COP1: variants seen among roughly 807,000 people sequenced by gnomAD.
COP1 encodes COP1 E3 ubiquitin ligase.
In COP1, 24 loss-of-function variants were observed where a neutral mutation model predicts 101.3. That is an observed-to-expected ratio of 0.24 (90% CI 0.17 to 0.33). The LOEUF is 0.33. Among genes scored for constraint, COP1 ranks in the 10% least tolerant of loss-of-function variants. The pLI, the probability that COP1 is intolerant of heterozygous loss-of-function variation, is 1.00. For synonymous variants in COP1, 347 were observed against 341.9 expected, an observed-to-expected ratio of 1.01 and a Z score of -0.17; for missense variants, 663 against 906.2, an observed-to-expected ratio of 0.73 and a Z score of 3.45.
At position 175,996,096 on chromosome 1, in the gene COP1, G is replaced by C. The variant is rs1011282827; in HGVS notation, c.1730-6617C>G. Among the ~76,000 whole-genome samples, 501 of 151,618 alleles carry C rather than the reference G, an allele frequency of 3.3e-3. 5 individuals are homozygous for C. The highest frequency in any genetic ancestry group is 0.011 in the African/African-American group (435 of 41,370). ...TGGGATGCAAGGCTGGTTCAAAACA[G>C]GCAAATCAATAAATGTAATCCAGCA... On this transcript the variant is annotated intron_variant, in intron 15 of 19. Coordinates refer to ENST00000367669, the MANE Select transcript of COP1 (RefSeq NM_022457.7).
chr1:176,109,291 A>T (rs1024817037), intron 9 of COP1, among the ~76,000 whole-genome samples: 23 of 152,088 alleles, frequency 1.5e-4, no homozygotes, highest in African/African-American at 5.3e-4. Flanking sequence ...TGTTTAAATT[A>T]TTGTTTAGCT....
intron 9 of COP1, among the ~76,000 whole-genome samples, chr1:176,086,166 C>CAAATAAAA (rs1680097658): frequency 6.7e-6 from 1 of 150,082 alleles, no homozygotes; most frequent in Admixed American, 6.6e-5. Context: ...TTCACTTCTA[C>CAAATAAAA]AAATAAAATG....
chr1:176,027,388 T>C lies in COP1; in HGVS notation c.1729+184A>G, dbSNP rs57962038. On this transcript the variant is annotated intron_variant, in intron 15 of 19. Transcript: ENST00000367669. The stretch of plus-strand genomic sequence containing the variant: ...TACGTATTAAAGATAAGTGACAGAA[T>C]AGTGCAATTAAGGTACAGCACTAAA... Among the ~76,000 whole-genome samples the C allele has an allele frequency of 6.2e-3, 943 of 152,304 alleles. 14 individuals carry two copies. Among genetic ancestry groups the C allele is most frequent in the African/African-American group, 0.021 (890 of 41,566 alleles).
chr1:175,985,690 T>A (rs2148714183), intron 18 of COP1, among the ~76,000 whole-genome samples: 1 of 152,322 alleles, frequency 6.6e-6, no homozygotes, highest in Middle Eastern at 3.4e-3. Flanking sequence ...TGGTAATTCT[T>A]TCCTGTCTTG....
At chr1:176,100,449 T>C (rs969499046) in intron 9 of COP1, 1 of 151,902 alleles carries the variant, frequency 6.6e-6, no homozygotes, top group Non-Finnish European at 1.5e-5. Flanking sequence ...ACTTATCATA[T>C]ATTTGTCATT....
chr1:176,114,395 G>C (rs1685831008), intron 9 of COP1, among the ~76,000 whole-genome samples: 1 of 151,996 alleles, frequency 6.6e-6, no homozygotes, highest in Non-Finnish European at 1.5e-5. Flanking sequence ...AAGTAACAAG[G>C]TAGTCATCCA....
At chr1:176,180,735 T>C (rs2101988346) in intron 2 of COP1, among the ~76,000 whole-genome samples, 1 of 152,192 alleles carries the variant, frequency 6.6e-6, no homozygotes, top group Middle Eastern at 3.4e-3. Flanking sequence ...CTGTAAGTAA[T>C]CAGAAAATTC....
chr1:176,004,708 G>A (rs1366835224), intron 15 of COP1, among the ~76,000 whole-genome samples: 2 of 149,278 alleles, frequency 1.3e-5, no homozygotes, highest in African/African-American at 2.4e-5. Context: ...AAGCCCACTT[G>A]ATCATGGTGG....
intron 11 of COP1, among the ~76,000 whole-genome samples, chr1:176,061,600 T>A (rs149406975): frequency 6.6e-6 from 1 of 151,874 alleles, no homozygotes; most frequent in Non-Finnish European, 1.5e-5. Context: ...AACTCCAGCC[T>A]GGGCAGCAAG....
intron 8 of COP1, 60 bp downstream of exon 8, chr1:176,134,950 T>G: frequency 7.9e-7 from 1 of 1,263,368 alleles, no homozygotes; most frequent in Non-Finnish European, 1.2e-6. Flanking sequence ...CCTAAAGGAC[T>G]AGACCATATG....
chr1:176,052,587 G>T (rs1426043250), intron 11 of COP1, among the ~76,000 whole-genome samples: 2 of 151,978 alleles, frequency 1.3e-5, no homozygotes, highest in Non-Finnish European at 2.9e-5. Context: ...TCAAAATGTG[G>T]CTTGAGTGTT....
Position 175,962,987 on chromosome 1 carries a change from G to A in COP1, c.2134-15748C>T, listed in dbSNP as rs538852952. 2.6e-5 allele frequency among the ~76,000 whole-genome samples: 4 copies of A among 151,888 alleles called. No individual in the cohort carries two copies. In the East Asian group the frequency reaches 7.7e-4, roughly 29 times the overall value. On this transcript the variant is annotated intron_variant, in intron 18 of 19. Transcript: ENST00000367669. ...GTCAAATAAACATTTTTTTTAATAT[G>A]TGAGGGCAAACTTAACATCTTGAAA... is the stretch of plus-strand genomic sequence containing the variant.
intron 11 of COP1, among the ~76,000 whole-genome samples, chr1:176,068,617 A>G (rs1676438906): frequency 6.6e-6 from 1 of 152,236 alleles, no homozygotes; most frequent in Non-Finnish European, 1.5e-5. Flanking sequence ...AAGCTAGATA[A>G]CTAAGAGATA....
At chr1:176,097,508 A>G (rs1682613389) in intron 9 of COP1, among the ~76,000 whole-genome samples, 2 of 152,124 alleles carry the variant, frequency 1.3e-5, no homozygotes, top group African/African-American at 2.4e-5. Context: ...TCTTCTGTCT[A>G]TCTGTGTACA....
chr1:176,157,317 TATGCTGAGCTACA>T (rs1693627075), intron 5 of COP1, among the ~76,000 whole-genome samples: 1 of 152,202 alleles, frequency 6.6e-6, no homozygotes, highest in Non-Finnish European at 1.5e-5. Context: ...CAAAACAGAT[TATGCTGAGCTACA>T]ATGAAATCAC....
At chr1:176,006,933 C>T (rs562873697) in intron 15 of COP1, among the ~76,000 whole-genome samples, 23 of 152,144 alleles carry the variant, frequency 1.5e-4, no homozygotes, top group African/African-American at 5.1e-4. Context: ...GGATAATATC[C>T]TGCAGAGTGT....
chr1:176,051,590 AC>A (rs1201057394), intron 11 of COP1, among the ~76,000 whole-genome samples: 11 of 151,004 alleles, frequency 7.3e-5, no homozygotes. Flanking sequence ...TTAAAAAAAA[AC>A]AAACAAACTG....
At chr1:176,042,510 C>T (rs888530174) in intron 14 of COP1, among the ~76,000 whole-genome samples, 1 of 146,966 alleles carries the variant, frequency 6.8e-6, no homozygotes, top group Non-Finnish European at 1.5e-5. Flanking sequence ...TTGCAGTGAG[C>T]CGAGATCACC....
chr1:175,974,754 C>G (rs1020798947), intron 18 of COP1, among the ~76,000 whole-genome samples: 4 of 151,468 alleles, frequency 2.6e-5, no homozygotes, highest in Admixed American at 2.0e-4. Context: ...ATACGTGGGC[C>G]AGGCATGGTG....
Sources: allele counts gnomAD v4.1 joint callset (sites outside exome capture counted in the v4.1 genomes callset), GRCh38; gene constraint gnomAD v4.1.1; transcripts MANE v1.5; gene names NCBI Gene and HGNC (gene_info 2026-07-23, HGNC 2026-07-21).